GALNT13: variants seen among roughly 807,000 people sequenced by gnomAD.
GALNT13 encodes the protein UDP-GalNAc:polypeptide N-acetylgalactosaminyltransferase 13.
In GALNT13, 28 loss-of-function variants were observed where a neutral mutation model predicts 64.2. The observed-to-expected ratio is 0.44, with a 90% confidence interval of 0.32 to 0.60. The LOEUF (loss-of-function observed/expected upper bound fraction) is 0.60. Among genes scored for constraint, GALNT13 ranks in the 20% least tolerant of loss-of-function variants. GALNT13 has a pLI of 0.05. For missense variants in GALNT13, 577 were observed against 669.8 expected, an observed-to-expected ratio of 0.86 and a Z score of 1.53; for synonymous variants, 214 against 224.6, an observed-to-expected ratio of 0.95 and a Z score of 0.42.
At chr2:154,343,831 T>G (rs1279946415) in intron 9 of GALNT13, among the ~76,000 whole-genome samples, 1 of 152,086 alleles carries the variant, frequency 6.6e-6, no homozygotes, top group Non-Finnish European at 1.5e-5. Context: ...TTTAAAAAAC[T>G]TTATGAGCTA....
intron 4 of GALNT13, among the ~76,000 whole-genome samples, chr2:154,192,699 A>G (rs1249243207): frequency 6.6e-6 from 1 of 152,134 alleles, no homozygotes; most frequent in African/African-American, 2.4e-5. Context: ...ACATACATGA[A>G]ATTTTTAGAA....
At chr2:154,371,144 T>C (rs971721020) in intron 9 of GALNT13, among the ~76,000 whole-genome samples, 31 of 152,054 alleles carry the variant, frequency 2.0e-4, no homozygotes, top group Admixed American at 1.6e-3. Context: ...TGGAGTGGTG[T>C]TGATAGAAGC....
chr2:153,633,316 ATTC>A, the GALNT13 span, among the ~76,000 whole-genome samples: 5 of 152,170 alleles, frequency 3.3e-5, no homozygotes, highest in Non-Finnish European at 4.4e-5. Flanking sequence ...GATATAAAGT[ATTC>A]TTCTTAGAAG....
chr2:153,340,482 C>A, the GALNT13 span, among the ~76,000 whole-genome samples: 7 of 151,790 alleles, frequency 4.6e-5, no homozygotes, highest in Non-Finnish European at 8.8e-5. Flanking sequence ...TGATGAAACC[C>A]CTTCTTTACC....
intron 11 of GALNT13, among the ~76,000 whole-genome samples, chr2:154,423,316 G>A (rs528656072): frequency 1.3e-5 from 2 of 152,178 alleles, no homozygotes; most frequent in Non-Finnish European, 2.9e-5. Context: ...TATCATTGAT[G>A]GACATTTGGG....
intron 1 of GALNT13, among the ~76,000 whole-genome samples, chr2:153,886,597 T>C (rs1687197040): frequency 6.6e-6 from 1 of 152,034 alleles, no homozygotes; most frequent in Non-Finnish European, 1.5e-5. Flanking sequence ...TGAGAACACA[T>C]GGACAAAGGA....
the GALNT13 span, among the ~76,000 whole-genome samples, chr2:153,386,076 G>C: frequency 5.3e-5 from 8 of 151,746 alleles, no homozygotes; most frequent in African/African-American, 1.7e-4. Flanking sequence ...GATTTGGGGG[G>C]GTTTTTTGTA....
the GALNT13 span, among the ~76,000 whole-genome samples, chr2:153,451,645 G>A: frequency 1.3e-5 from 2 of 152,216 alleles, no homozygotes; most frequent in African/African-American, 4.8e-5. Context: ...GCGTTTTACA[G>A]TAATTCCAGT....
chr2:154,079,636 GAGTCA>G (rs1448027371), intron 3 of GALNT13, among the ~76,000 whole-genome samples: 11 of 151,334 alleles, frequency 7.3e-5, no homozygotes, highest in African/African-American at 2.7e-4. Context: ...CCCTCATGAT[GAGTCA>G]CCCACATGCA....
chr2:154,052,702 A>G (rs192874320), intron 3 of GALNT13, among the ~76,000 whole-genome samples: 46 of 148,856 alleles, frequency 3.1e-4, no homozygotes, highest in Non-Finnish European at 5.5e-4. Flanking sequence ...GACTGAATGG[A>G]CACTTCTTTG....
chr2:153,131,902 A>C, the GALNT13 span, among the ~76,000 whole-genome samples: 1 of 152,054 alleles, frequency 6.6e-6, no homozygotes, highest in Non-Finnish European at 1.5e-5. Flanking sequence ...CCACACTCTG[A>C]GAGTGAGTTA....
intron 4 of GALNT13, among the ~76,000 whole-genome samples, chr2:154,202,841 A>G (rs1346380983): frequency 2.0e-5 from 3 of 152,160 alleles, no homozygotes; most frequent in Non-Finnish European, 4.4e-5. Context: ...CTGTGCATCA[A>G]GTTATCTCAG....
chr2:153,099,617 G>A, the GALNT13 span, among the ~76,000 whole-genome samples: 58,605 of 152,014 alleles, frequency 0.39, 11,692 homozygotes, highest in Non-Finnish European at 0.44. Context: ...TACTTTATGT[G>A]AAATACTGTA....
chr2:153,718,680 C>A, the GALNT13 span, among the ~76,000 whole-genome samples: 1 of 152,048 alleles, frequency 6.6e-6, no homozygotes, highest in Non-Finnish European at 1.5e-5. Context: ...AGATTGAGGA[C>A]TTTTTTCTAC....
the GALNT13 span, among the ~76,000 whole-genome samples, chr2:153,112,383 T>C: frequency 6.6e-6 from 1 of 152,158 alleles, no homozygotes; most frequent in African/African-American, 2.4e-5. Context: ...TGTGTTAGTC[T>C]GTCTAATCTA....
chr2:153,163,757 A>C, the GALNT13 span, among the ~76,000 whole-genome samples: 595 of 152,278 alleles, frequency 3.9e-3, 3 homozygotes, highest in African/African-American at 0.013. Context: ...CGGAGGCTCA[A>C]GCCTGTAATC....
At chr2:153,135,566 A>C in the GALNT13 span, among the ~76,000 whole-genome samples, 1 of 152,166 alleles carries the variant, frequency 6.6e-6, no homozygotes, top group African/African-American at 2.4e-5. Context: ...ATGCTAGGGA[A>C]GAAAAAATCC....
At chr2:153,688,701 A>G in the GALNT13 span, among the ~76,000 whole-genome samples, 5 of 151,966 alleles carry the variant, frequency 3.3e-5, no homozygotes. Flanking sequence ...ATCACACATT[A>G]TGTTACTTAT....
At chr2:153,983,493 C>T (rs952702626) in intron 3 of GALNT13, among the ~76,000 whole-genome samples, 1 of 151,868 alleles carries the variant, frequency 6.6e-6, no homozygotes, top group African/African-American at 2.4e-5. Flanking sequence ...CTCTTCTCTT[C>T]CTTTAATTTT....
Sources: gnomAD v4.1 joint callset for allele counts (sites outside exome capture counted in the v4.1 genomes callset) on GRCh38, gnomAD v4.1.1 for gene constraint, MANE v1.5 for transcripts, NCBI Gene and HGNC (gene_info 2026-07-23, HGNC 2026-07-21) for gene names.